Variants in SCN10A observed in about 807,000 individuals in gnomAD.
SCN10A encodes sodium voltage-gated channel alpha subunit 10.
In SCN10A, 162 loss-of-function variants were observed where a neutral mutation model predicts 170.7. The observed-to-expected ratio is 0.95, with a 90% CI of 0.84 to 1.08. SCN10A has a LOEUF of 1.08. SCN10A is among the 50% of genes least tolerant of loss of function. SCN10A has a pLI of 0.00. For missense variants in SCN10A, 2,527 were observed against 2,436.9 expected (o/e 1.04, Z -0.78); for synonymous variants, 985 against 904.6 (o/e 1.09, Z -1.59).
rs775980483 is a variant in SCN10A, at chr3:38,757,201, A to G, written c.951-42T>C. ...GAAGGTCATCCCCTGCTTATTGCAG[A>G]CAAGGTAGCCCAGGGCTGCGAGACA... On this transcript the variant is annotated intron_variant, in intron 8 of 27. Transcript: ENST00000449082. 5.8e-6 allele frequency: 9 copies of G among 1,550,746 alleles called. No individual in the cohort carries two copies. The South Asian group carries it at 1.1e-4, about 19-fold the overall frequency.
At chr3:38,717,343 G>A (rs1425008341) in intron 21 of SCN10A, among the ~76,000 whole-genome samples, 1 of 152,220 alleles carries the variant, frequency 6.6e-6, no homozygotes, top group East Asian at 1.9e-4. Context: ...AGAATCAGTA[G>A]GAAGATGGAT....
At chr3:38,701,770 T>C in intron 27 of SCN10A, 69 bp downstream of exon 27, 2 of 1,466,620 alleles carry the variant, frequency 1.4e-6, no homozygotes, top group Non-Finnish European at 1.8e-6. Context: ...ATTTCCTTGG[T>C]TTTAGAAGAG....
At chr3:38,705,083 T>A (rs1559411292) in intron 26 of SCN10A, among the ~76,000 whole-genome samples, 1 of 152,210 alleles carries the variant, frequency 6.6e-6, no homozygotes, top group Non-Finnish European at 1.5e-5. Context: ...GCTAGGATGG[T>A]CCAAGACCTA....
Position 38,751,968 on chromosome 3 carries a change from T to A in SCN10A, c.1755+251A>T, listed in dbSNP as rs7373595. Among the ~76,000 whole-genome samples, 12,569 of 152,074 alleles carry A rather than the reference T, an allele frequency of 0.083. 719 individuals are homozygous for A. The highest frequency in any genetic ancestry group is 0.19 in the East Asian group (987 of 5,160). ...GACAGAGAAGCACTGATAAGAAATA[T>A]GGGGTCAAATGGAATATAATTTGCA... On this transcript the variant is annotated intron_variant, in intron 12 of 27. Transcript: ENST00000449082.
chr3:38,713,818 G>T, intron 22 of SCN10A, 140 bp downstream of exon 22: 1 of 925,380 alleles, frequency 1.1e-6, no homozygotes. Flanking sequence ...AGCAGAGACA[G>T]GGTTTCGGCA....
chr3:38,810,184 C>T (rs780971630), intron 1 of SCN10A, among the ~76,000 whole-genome samples: 1 of 152,130 alleles, frequency 6.6e-6, no homozygotes, highest in Non-Finnish European at 1.5e-5. Context: ...TTATCATGAA[C>T]AATAATCCCC....
At position 38,757,151 on chromosome 3, in the gene SCN10A, G is replaced by A; in HGVS notation, c.959C>T (p.Pro320Leu). ...AGTTTTAAGGCAGATATAACCATCA[G>A]GGCAGTGGCTGCAGCAAGAACAGAG... ...CGNGSDSGHC[P>L]DGYICLKTSD... Residue 320 changes from proline to leucine, a missense_variant, in exon 9 of 28, where the codon CCT (proline) becomes CTT (leucine). By Grantham distance (98) the Pro-to-Leu change is moderately conservative (BLOSUM62 -3). Transcript: ENST00000449082. The A allele has an allele frequency of 6.2e-7, 1 of 1,601,714 alleles. No homozygotes were observed. The highest frequency in any genetic ancestry group is 8.5e-7 in the Non-Finnish European group (1 of 1,174,730).
chr3:38,734,291 G>A (rs2063538571), intron 15 of SCN10A, among the ~76,000 whole-genome samples: 1 of 152,018 alleles, frequency 6.6e-6, no homozygotes, highest in Non-Finnish European at 1.5e-5. Context: ...CAAAATTCTG[G>A]GATTACAGGC....
At chr3:38,752,629 G>T in intron 11 of SCN10A, 117 bp from the exon 12 acceptor site, 1 of 782,508 alleles carries the variant, frequency 1.3e-6, no homozygotes, top group South Asian at 2.8e-5. Context: ...TGACCTTTCA[G>T]TCACTAAGTA....
At chr3:38,767,996 C>T (rs1016293082) in intron 5 of SCN10A, among the ~76,000 whole-genome samples, 2 of 151,950 alleles carry the variant, frequency 1.3e-5, no homozygotes, top group African/African-American at 4.8e-5. Flanking sequence ...ATATGTCCCT[C>T]TTTGTCTTTT....
At chr3:38,774,859 T>G (rs769584739) in intron 4 of SCN10A, among the ~76,000 whole-genome samples, 8 of 152,146 alleles carry the variant, frequency 5.3e-5, no homozygotes, top group South Asian at 2.1e-4. Flanking sequence ...CACAATCAGT[T>G]TGTATTCACA....
In SCN10A at chr3:38,785,640, A is replaced by G. The variant is rs138718091; in HGVS notation, c.470+3316T>C. Among the ~76,000 whole-genome samples the G allele has an allele frequency of 3.9e-5, 6 of 152,342 alleles. No homozygotes were observed. The East Asian group carries it at 1.2e-3, about 29-fold the overall frequency. On this transcript the variant is annotated intron_variant, in intron 4 of 27. Coordinates refer to ENST00000449082, the MANE Select transcript of SCN10A (RefSeq NM_006514.4). The stretch of plus-strand genomic sequence containing the variant: ...AGCCAAAATTGACAAATGGAATCCA[A>G]TTAAACTAAAGAGCTTCTGCACAGC...
chr3:38,764,107 T>C (rs113350292), intron 5 of SCN10A, among the ~76,000 whole-genome samples: 5 of 152,200 alleles, frequency 3.3e-5, no homozygotes, highest in Non-Finnish European at 1.5e-5. Context: ...TTCTTCAGAG[T>C]GTGAGCCTGG....
intron 26 of SCN10A, among the ~76,000 whole-genome samples, chr3:38,703,673 G>C (rs1178149355): frequency 2.0e-5 from 3 of 152,170 alleles, no homozygotes; most frequent in Non-Finnish European, 4.4e-5. Flanking sequence ...CATTTGTGAT[G>C]CTCTTTTATA....
At chr3:38,779,839 T>G (rs1007458340) in intron 4 of SCN10A, among the ~76,000 whole-genome samples, 1 of 151,920 alleles carries the variant, frequency 6.6e-6, no homozygotes, top group Non-Finnish European at 1.5e-5. Context: ...ATTTGGTTAT[T>G]TTTTTTAACT....
Position 38,752,465 on chromosome 3 carries a change from A to T in SCN10A, c.1509T>A (p.Ser503Arg), listed in dbSNP as rs1311697487. ...GGCCAGGGGACCGGAAATGGAACACACTGCCATGACTAGCCCGGCGTTTTC... is the reference window on the plus strand; with the variant it reads ...GGCCAGGGGACCGGAAATGGAACACTCTGCCATGACTAGCCCGGCGTTTTC... ...ASGKRRASHGSVFHFRSPGRD... is the reference protein window; with the variant it reads ...ASGKRRASHGRVFHFRSPGRD... Residue 503 changes from serine (S) to arginine (R), a missense_variant, in exon 12 of 28, where the codon AGT becomes AGA. Coordinates refer to ENST00000449082, the MANE Select transcript of SCN10A (RefSeq NM_006514.4). The T allele has an allele frequency of 6.2e-7, 1 of 1,610,070 alleles. No homozygotes were observed. Among genetic ancestry groups the T allele is most frequent in the African/African-American group, 1.3e-5 (1 of 74,898 alleles).
chr3:38,774,674 G>A (rs80002357), intron 4 of SCN10A, among the ~76,000 whole-genome samples: 7,174 of 152,230 alleles, frequency 0.047, 207 homozygotes, highest in African/African-American at 0.061. Context: ...GGATCACTGA[G>A]ATACCCAACT....
At chr3:38,706,334 G>A (rs1360754499) in intron 26 of SCN10A, among the ~76,000 whole-genome samples, 1 of 152,184 alleles carries the variant, frequency 6.6e-6, no homozygotes, top group African/African-American at 2.4e-5. Flanking sequence ...TTTGTTAAAT[G>A]TCCTTTGGAC....
At chr3:38,700,164 T>C (rs1005331207) in intron 27 of SCN10A, among the ~76,000 whole-genome samples, 1 of 152,164 alleles carries the variant, frequency 6.6e-6, no homozygotes, top group Non-Finnish European at 1.5e-5. Context: ...ACTCCTATTA[T>C]GCTAAGTGAG....
Sources: allele counts gnomAD v4.1 joint callset (sites outside exome capture counted in the v4.1 genomes callset), GRCh38; gene constraint gnomAD v4.1.1; transcripts MANE v1.5; gene names NCBI Gene and HGNC (gene_info 2026-07-23, HGNC 2026-07-21).